Variants in MAP3K15 observed in about 807,000 individuals in gnomAD.
MAP3K15 encodes the protein MAPK/ERK kinase kinase 15.
MAP3K15 carries 124 observed loss-of-function variants against 99.5 expected under a neutral mutation model. The ratio of observed to expected loss-of-function variants is 1.25; its 90% confidence interval spans 1.08 to 1.45. The LOEUF is 1.45. Ranked by LOEUF, MAP3K15 falls within the 40% of genes most tolerant of loss-of-function variation. The pLI is 0.00. For missense variants in MAP3K15, 1,242 were observed against 1,079.7 expected, an observed-to-expected ratio of 1.15 and a Z score of -2.11; for synonymous variants, 494 against 439.6, an observed-to-expected ratio of 1.12 and a Z score of -1.55.
intron 13 of MAP3K15, among the ~76,000 whole-genome samples, chrX:19,401,833 G>A (rs1382930906): frequency 8.9e-6 from 1 of 112,130 alleles, no homozygotes; most frequent in Non-Finnish European, 1.9e-5. Context: ...TGTCAAGGAG[G>A]AATACTGTAC....
rs776796377 is a variant in MAP3K15, at chrX:19,374,607, G to A, written c.2643C>T (p.Ala881=). Residue 881 remains alanine, a synonymous_variant, in exon 20 of 29, where the codon GCC becomes GCT. Coordinates refer to ENST00000338883, the MANE Select transcript of MAP3K15 (RefSeq NM_001001671.4). The stretch of plus-strand genomic sequence containing the variant: ...CGAAACAGGATAAAATGAAGGCTCG[G>A]GCTTCAGCTGAAAGGGCTTCTGGAA... ...PEIPEALSAE[A]RAFILSCFEP... 1.4e-5 allele frequency: 17 copies of A among 1,209,529 alleles called. No homozygotes were observed. The highest frequency in any genetic ancestry group is 1.9e-5 in the Non-Finnish European group (17 of 895,058).
chrX:19,361,319 A>G lies in MAP3K15; in HGVS notation c.3857+20T>C, dbSNP rs1212056929. 8.6e-7 allele frequency: 1 copy of G among 1,165,549 alleles called. No individual in the cohort carries two copies. The highest frequency in any genetic ancestry group is 2.3e-5 in the Admixed American group (1 of 44,348). Reference sequence around the variant, plus strand: ...ATAAAAAGTTGTATTCTCTTATACAAACTGTTTTGAGGCTCTTACCGTAGT... The same window carrying G: ...ATAAAAAGTTGTATTCTCTTATACAGACTGTTTTGAGGCTCTTACCGTAGT... On this transcript the variant is annotated intron_variant, in intron 28 of 28. Transcript: ENST00000338883.
At chrX:19,375,227 G>C (rs1454010820) in intron 19 of MAP3K15, among the ~76,000 whole-genome samples, 1 of 112,220 alleles carries the variant, frequency 8.9e-6, no homozygotes, top group Non-Finnish European at 1.9e-5. Context: ...GATGGGACTT[G>C]GGCCACAGCC....
chrX:19,408,890 G>A (rs1228512051), intron 12 of MAP3K15, among the ~76,000 whole-genome samples: 4 of 111,170 alleles, frequency 3.6e-5, no homozygotes, highest in Non-Finnish European at 5.7e-5. Flanking sequence ...GATATTTTCC[G>A]AGTCTAGAAA....
At chrX:19,380,412 G>T in intron 18 of MAP3K15, 135 bp from the exon 19 acceptor site, 2 of 597,669 alleles carry the variant, frequency 3.3e-6, no homozygotes, top group Middle Eastern at 5.2e-4. Context: ...CCTGGACAAT[G>T]TAACAAGACC....
intron 1 of MAP3K15, among the ~76,000 whole-genome samples, chrX:19,499,962 A>G (rs1201201781): frequency 8.9e-6 from 1 of 112,954 alleles, no homozygotes; most frequent in African/African-American, 3.2e-5. Context: ...AAAAAGAATA[A>G]TTGGCCGGGT....
At chrX:19,418,212 G>C (rs1371562573) in intron 9 of MAP3K15, among the ~76,000 whole-genome samples, 1 of 111,883 alleles carries the variant, frequency 8.9e-6, no homozygotes, top group Non-Finnish European at 1.9e-5. Context: ...GACGAGTTAA[G>C]AGAAGAAGAC....
intron 6 of MAP3K15, among the ~76,000 whole-genome samples, chrX:19,447,883 C>CAAAAAAAAAAAAAAAAAAAAA (rs753152404): frequency 3.9e-5 from 1 of 25,967 alleles, no homozygotes; most frequent in African/African-American, 1.2e-4. Context: ...GACTCCGTCT[C>CAAAAAAAAAAAAAAAAAAAAA]AAAAAAAAAA....
intron 18 of MAP3K15, among the ~76,000 whole-genome samples, chrX:19,390,303 CTTTTTTTTTTTTT>C (rs869140702): frequency 1.4e-5 from 1 of 69,395 alleles, no homozygotes; most frequent in Non-Finnish European, 2.5e-5. Flanking sequence ...CTAATTTTTT[CTTTTTTTTTTTTT>C]TTTTTTTTTG....
intron 6 of MAP3K15, among the ~76,000 whole-genome samples, chrX:19,450,109 A>G (rs2064026830): frequency 9.1e-6 from 1 of 109,885 alleles, no homozygotes; most frequent in Non-Finnish European, 1.9e-5. Context: ...GACCACGGCC[A>G]TAACAATAAA....
chrX:19,378,659 G>T (rs1467921547), intron 19 of MAP3K15, among the ~76,000 whole-genome samples: 1 of 111,468 alleles, frequency 9.0e-6, no homozygotes, highest in South Asian at 3.8e-4. Context: ...TTTGGGTGGG[G>T]ACATGGCCAA....
chrX:19,447,990 C>T (rs188551260), intron 6 of MAP3K15, among the ~76,000 whole-genome samples: 19 of 105,759 alleles, frequency 1.8e-4, no homozygotes, highest in East Asian at 1.2e-3. Flanking sequence ...CAGGGATGAA[C>T]GCATGTGAAG....
At chrX:19,465,708 C>T (rs749686179) in intron 3 of MAP3K15, among the ~76,000 whole-genome samples, 4 of 110,436 alleles carry the variant, frequency 3.6e-5, no homozygotes, top group Admixed American at 9.7e-5. Context: ...GAGCCTAGAT[C>T]GCACCACTGC....
intron 3 of MAP3K15, among the ~76,000 whole-genome samples, chrX:19,479,172 A>G (rs7050922): frequency 0.047 from 5,268 of 111,339 alleles, 315 homozygotes; most frequent in African/African-American, 0.16. Flanking sequence ...CCCCAACCCA[A>G]CCTCAAGGAA....
intron 18 of MAP3K15, among the ~76,000 whole-genome samples, chrX:19,390,094 T>C (rs1455683393): frequency 2.7e-5 from 3 of 110,795 alleles, no homozygotes; most frequent in Non-Finnish European, 5.7e-5. Flanking sequence ...TCTCTTTAGA[T>C]GGTGAATGTG....
At chrX:19,465,283 C>A (rs1482692812) in intron 3 of MAP3K15, among the ~76,000 whole-genome samples, 1 of 111,510 alleles carries the variant, frequency 9.0e-6, no homozygotes, top group African/African-American at 3.3e-5. Flanking sequence ...TCTTAGCTCC[C>A]AGGACATACA....
At chrX:19,498,781 T>G (rs1017755397) in intron 1 of MAP3K15, among the ~76,000 whole-genome samples, 1 of 112,206 alleles carries the variant, frequency 8.9e-6, no homozygotes, top group Non-Finnish European at 1.9e-5. Context: ...AGGAACTGTG[T>G]CAAACTTCAT....
intron 6 of MAP3K15, among the ~76,000 whole-genome samples, chrX:19,443,956 T>C (rs1475567616): frequency 9.0e-6 from 1 of 111,047 alleles, no homozygotes; most frequent in Non-Finnish European, 1.9e-5. Flanking sequence ...GTAATAGCCA[T>C]TTTTCCATAA....
intron 1 of MAP3K15, among the ~76,000 whole-genome samples, chrX:19,512,157 C>T (rs2064523615): frequency 1.8e-5 from 2 of 110,713 alleles, no homozygotes; most frequent in African/African-American, 6.6e-5. Context: ...ATCACACACA[C>T]ACCCCAGGGC....
Sources: allele counts gnomAD v4.1 joint callset (sites outside exome capture counted in the v4.1 genomes callset), GRCh38; gene constraint gnomAD v4.1.1; transcripts MANE v1.5; gene names NCBI Gene and HGNC (gene_info 2026-07-23, HGNC 2026-07-21).